Variants in PPARGC1A observed in about 807,000 individuals in gnomAD.
PPARGC1A encodes the protein PPARG coactivator 1 alpha.
PPARGC1A carries 25 observed loss-of-function variants against 88.7 expected under a neutral mutation model. The ratio of observed to expected loss-of-function variants is 0.28; its 90% CI spans 0.21 to 0.39. The LOEUF (loss-of-function observed/expected upper bound fraction) is 0.39, where lower values mean the gene tolerates loss of function less well. Ranked by LOEUF, PPARGC1A falls within the 10% of genes least tolerant of loss-of-function variation. The probability of loss-of-function intolerance (pLI) is 1.00; values close to 1 mark genes in which losing one functional copy is unlikely to be tolerated. For synonymous variants in PPARGC1A, 363 were observed against 355.6 expected (o/e 1.02, Z -0.24); for missense variants, 880 against 968.7 (o/e 0.91, Z 1.22).
At chr4:24,348,262 A>G in the PPARGC1A span, among the ~76,000 whole-genome samples, 1 of 152,192 alleles carries the variant, frequency 6.6e-6, no homozygotes, top group South Asian at 2.1e-4. Context: ...GTAACTTTGT[A>G]TAACCGGATC....
At chr4:24,074,593 A>C in the PPARGC1A span, among the ~76,000 whole-genome samples, 1 of 152,068 alleles carries the variant, frequency 6.6e-6, no homozygotes, top group African/African-American at 2.4e-5. Flanking sequence ...TTTCCCTCAC[A>C]TGGTCCTTTT....
chr4:24,084,510 A>T, the PPARGC1A span, among the ~76,000 whole-genome samples: 1 of 152,184 alleles, frequency 6.6e-6, no homozygotes, highest in Admixed American at 6.5e-5. Context: ...CAGAGTTTAA[A>T]TCCACTACAA....
the PPARGC1A span, among the ~76,000 whole-genome samples, chr4:24,103,687 G>T: frequency 1.3e-5 from 2 of 151,264 alleles, no homozygotes; most frequent in Non-Finnish European, 1.5e-5. Flanking sequence ...TGAGTGTCCT[G>T]CTCTTCTGGA....
the PPARGC1A span, among the ~76,000 whole-genome samples, chr4:24,029,826 G>C: frequency 3.8e-5 from 5 of 130,568 alleles, no homozygotes; most frequent in African/African-American, 1.3e-4. Flanking sequence ...GTAATTACCA[G>C]AGAAAACATC....
the PPARGC1A span, among the ~76,000 whole-genome samples, chr4:24,399,340 G>A: frequency 5.3e-5 from 8 of 152,118 alleles, no homozygotes; most frequent in African/African-American, 1.9e-4. Flanking sequence ...GGAAATTTAG[G>A]CTGATGTTAC....
the PPARGC1A span, among the ~76,000 whole-genome samples, chr4:24,019,965 C>T: frequency 1.3e-5 from 2 of 152,194 alleles, no homozygotes; most frequent in African/African-American, 4.8e-5. Context: ...TCCTTACTGA[C>T]CTGAGCAACT....
At chr4:24,190,545 A>G in the PPARGC1A span, among the ~76,000 whole-genome samples, 45 of 152,108 alleles carry the variant, frequency 3.0e-4, no homozygotes, top group South Asian at 1.0e-3. Flanking sequence ...AAAATAATAT[A>G]TAATAATTAT....
chr4:24,213,436 G>A, the PPARGC1A span, among the ~76,000 whole-genome samples: 1 of 152,094 alleles, frequency 6.6e-6, no homozygotes, highest in African/African-American at 2.4e-5. Flanking sequence ...AAAGTGCGGG[G>A]ATTACAGCAG....
At position 23,828,636 on chromosome 4, in the gene PPARGC1A, T is replaced by C. The variant is rs545763231; in HGVS notation, c.553-32A>G. ...AACAAGGCATAAAGAAAGCTAAAAT[T>C]AGTGAACTGAACCTTATCAGAATGG... On this transcript the variant is annotated intron_variant, in intron 4 of 12. Coordinates refer to ENST00000264867, the MANE Select transcript of PPARGC1A (RefSeq NM_013261.5). The C allele has an allele frequency of 2.5e-6, 4 of 1,595,220 alleles. No homozygotes were observed. The African/African-American group carries it at 5.4e-5, about 21-fold the overall frequency.
chr4:23,881,968 G>C (rs560290816), intron 2 of PPARGC1A: 51 of 152,280 alleles, frequency 3.3e-4, no homozygotes, highest in African/African-American at 1.2e-3. Flanking sequence ...CTTCTTCACA[G>C]GGAAGACCCA....
chr4:23,964,264 T>C, the PPARGC1A span, among the ~76,000 whole-genome samples: 1 of 152,230 alleles, frequency 6.6e-6, no homozygotes, highest in Non-Finnish European at 1.5e-5. Flanking sequence ...ACATAAGTTT[T>C]AGAACCAGAA....
chr4:24,171,149 C>T, the PPARGC1A span, among the ~76,000 whole-genome samples: 1 of 152,118 alleles, frequency 6.6e-6, no homozygotes, highest in African/African-American at 2.4e-5. Flanking sequence ...CGGTGGCTCA[C>T]GCCTGTAATC....
intron 5 of PPARGC1A, 108 bp downstream of exon 5, chr4:23,828,292 G>T: frequency 8.6e-7 from 1 of 1,157,276 alleles, no homozygotes; most frequent in Non-Finnish European, 1.3e-6. Flanking sequence ...TTTCCACAGA[G>T]TGACGCTGAT....
chr4:23,850,374 G>C (rs538431479), intron 2 of PPARGC1A, among the ~76,000 whole-genome samples: 1 of 152,300 alleles, frequency 6.6e-6, no homozygotes, highest in African/African-American at 2.4e-5. Flanking sequence ...AGTGCTCAGA[G>C]TAATATTGTC....
rs188457006 is a variant in PPARGC1A at position 23,871,737 on chromosome 4, T to C, written c.234+13015A>G. On this transcript the variant is annotated intron_variant, in intron 2 of 12. Transcript: ENST00000264867. ...CAAATGAGATGGCACCCAGGGAAGC[T>C]AATGTCCTTAAGCCAAGAGCCCATG... Among the ~76,000 whole-genome samples the C allele has an allele frequency of 2.9e-3, 443 of 152,220 alleles. 3 individuals carry two copies. The highest frequency in any genetic ancestry group is 0.014 in the Middle Eastern group (4 of 292).
chr4:24,392,611 A>G, the PPARGC1A span, among the ~76,000 whole-genome samples: 1 of 152,208 alleles, frequency 6.6e-6, no homozygotes, highest in Non-Finnish European at 1.5e-5. Flanking sequence ...CAGAGATAAG[A>G]TTAGTAAACA....
chr4:24,305,205 GGTTT>G, the PPARGC1A span, among the ~76,000 whole-genome samples: 1 of 147,650 alleles, frequency 6.8e-6, no homozygotes, highest in African/African-American at 2.5e-5. Flanking sequence ...CCAAAGTCGT[GGTTT>G]TTTTGCCATA....
At chr4:23,948,716 G>A in the PPARGC1A span, among the ~76,000 whole-genome samples, 496 of 152,202 alleles carry the variant, frequency 3.3e-3, 7 homozygotes, top group Admixed American at 0.028. Context: ...TATTACAAAC[G>A]CCTCTTTTCA....
chr4:23,967,206 T>C, the PPARGC1A span, among the ~76,000 whole-genome samples: 18 of 152,284 alleles, frequency 1.2e-4, no homozygotes, highest in South Asian at 3.5e-3. Flanking sequence ...CTACACTCTG[T>C]GCAGCAAAAT....
Sources: allele counts gnomAD v4.1 joint callset (sites outside exome capture counted in the v4.1 genomes callset), GRCh38; gene constraint gnomAD v4.1.1; transcripts MANE v1.5; gene names NCBI Gene and HGNC (gene_info 2026-07-23, HGNC 2026-07-21).